Variants in RABGAP1L observed in about 807,000 individuals in gnomAD.
RABGAP1L encodes the protein rab GTPase-activating protein 1-like.
In RABGAP1L, 63 loss-of-function variants were observed where a neutral mutation model predicts 137.7. The observed-to-expected ratio is 0.46, with a 90% confidence interval of 0.37 to 0.56. RABGAP1L has a LOEUF of 0.56. Among genes scored for constraint, RABGAP1L ranks in the 20% least tolerant of loss-of-function variants. The pLI is 0.00. For synonymous variants in RABGAP1L, 431 were observed against 433.7 expected (o/e 0.99, Z 0.08); for missense variants, 1,095 against 1,244.0 (o/e 0.88, Z 1.80).
intron 13 of RABGAP1L, among the ~76,000 whole-genome samples, chr1:174,619,415 A>T (rs1672230130): frequency 6.6e-6 from 1 of 152,252 alleles, no homozygotes; most frequent in Non-Finnish European, 1.5e-5. Flanking sequence ...CACAAAGGGA[A>T]GCCCATCAGA....
At chr1:174,634,755 C>T (rs994246134) in intron 13 of RABGAP1L, among the ~76,000 whole-genome samples, 5 of 142,516 alleles carry the variant, frequency 3.5e-5, no homozygotes, top group Admixed American at 6.8e-5. Context: ...AAATTGGAAA[C>T]CATCATTCTC....
At chr1:174,585,717 C>T (rs1325274488) in intron 13 of RABGAP1L, among the ~76,000 whole-genome samples, 2 of 152,106 alleles carry the variant, frequency 1.3e-5, no homozygotes, top group East Asian at 3.9e-4. Flanking sequence ...AAGACCAAGC[C>T]CTTGATAAGT....
At position 174,384,131 on chromosome 1, in the gene RABGAP1L, G is replaced by A. The variant is rs1039205841; in HGVS notation, c.1560-9864G>A. 3.3e-5 allele frequency among the ~76,000 whole-genome samples: 5 copies of A among 152,116 alleles called. No homozygotes were observed. In the South Asian group the frequency reaches 6.2e-4, roughly 19 times the overall value. Reference sequence around the variant, plus strand: ...TGAACTGATATACATTACAACTGATGGATCTCAAGTGCATCATGTTAAGTG... The same window carrying A: ...TGAACTGATATACATTACAACTGATAGATCTCAAGTGCATCATGTTAAGTG... On this transcript the variant is annotated intron_variant, in intron 12 of 25. Coordinates refer to ENST00000681986, the MANE Select transcript of RABGAP1L (RefSeq NM_001366446.1).
At chr1:174,474,642 C>T (rs1367252627) in intron 13 of RABGAP1L, among the ~76,000 whole-genome samples, 7 of 152,102 alleles carry the variant, frequency 4.6e-5, no homozygotes, top group East Asian at 3.9e-4. Context: ...CTTGCTCTGT[C>T]GCCAGGCTGG....
intron 13 of RABGAP1L, among the ~76,000 whole-genome samples, chr1:174,604,292 T>G (rs1039269479): frequency 1.3e-5 from 2 of 152,188 alleles, no homozygotes; most frequent in African/African-American, 4.8e-5. Flanking sequence ...CTGGCTGAAT[T>G]CTGCCATGTG....
chr1:174,383,638 C>T (rs546447298), intron 12 of RABGAP1L, among the ~76,000 whole-genome samples: 49 of 152,324 alleles, frequency 3.2e-4, no homozygotes, highest in African/African-American at 1.1e-3. Flanking sequence ...ATGCCTCGCC[C>T]TGCTTCGGCT....
chr1:174,612,580 T>G (rs1348101391), intron 13 of RABGAP1L, among the ~76,000 whole-genome samples: 1 of 152,146 alleles, frequency 6.6e-6, no homozygotes, highest in African/African-American at 2.4e-5. Context: ...TAAAATGAGT[T>G]AGGGAGGATT....
intron 13 of RABGAP1L, among the ~76,000 whole-genome samples, chr1:174,416,342 C>A (rs771772373): frequency 2.0e-4 from 30 of 151,992 alleles, no homozygotes; most frequent in Non-Finnish European, 3.5e-4. Flanking sequence ...AACTGTAGAC[C>A]TGGCTACTTG....
intron 13 of RABGAP1L, among the ~76,000 whole-genome samples, chr1:174,489,721 C>T (rs929622953): frequency 7.9e-5 from 12 of 152,158 alleles, no homozygotes; most frequent in African/African-American, 2.2e-4. Context: ...TATCAAGACA[C>T]GTGCACACGT....
chr1:174,980,129 T>C (rs1229588542), intron 23 of RABGAP1L, among the ~76,000 whole-genome samples: 1 of 152,190 alleles, frequency 6.6e-6, no homozygotes, highest in East Asian at 1.9e-4. Flanking sequence ...ACAAATGCTT[T>C]ATAAATAAAT....
intron 18 of RABGAP1L, chr1:174,800,362 A>T (rs1281602681): frequency 6.4e-7 from 1 of 1,550,564 alleles, no homozygotes; most frequent in Admixed American, 2.0e-5. Context: ...GCCCAGCCCC[A>T]GCTGCTAAGC....
chr1:174,807,948 A>AAGC (rs1553255684), intron 18 of RABGAP1L, among the ~76,000 whole-genome samples: 2 of 141,060 alleles, frequency 1.4e-5, no homozygotes, highest in Admixed American at 7.3e-5. Flanking sequence ...AAACAAAACA[A>AAGC]AACAACAACA....
At chr1:174,496,848 C>G (rs1163291680) in intron 13 of RABGAP1L, among the ~76,000 whole-genome samples, 2 of 152,116 alleles carry the variant, frequency 1.3e-5, no homozygotes, top group Non-Finnish European at 2.9e-5. Context: ...AACTAGGAGA[C>G]CAAGTTATGT....
At chr1:174,749,921 A>G (rs1020497039) in intron 17 of RABGAP1L, among the ~76,000 whole-genome samples, 2 of 152,130 alleles carry the variant, frequency 1.3e-5, no homozygotes, top group Non-Finnish European at 2.9e-5. Flanking sequence ...TCTGTCACCC[A>G]GGCTGGAGTG....
Position 174,299,347 on chromosome 1 carries a change from AG to A in RABGAP1L, c.1324-5637del, listed in dbSNP as rs200171753. ...GCAAGTGACATTCTTTACTGACCACAGGTCAGGAACTCTGTACAGGGACTGT... is the reference window on the plus strand; with the variant it reads ...GCAAGTGACATTCTTTACTGACCACAGTCAGGAACTCTGTACAGGGACTGT... On this transcript the variant is annotated intron_variant, in intron 10 of 25. Transcript: ENST00000681986. 1.1e-3 allele frequency among the ~76,000 whole-genome samples: 175 copies of A among 152,320 alleles called. 1 individual carries two copies. The highest frequency in any genetic ancestry group is 3.9e-3 in the African/African-American group (163 of 41,574).
At chr1:174,802,200 T>C (rs2148826105) in intron 18 of RABGAP1L, among the ~76,000 whole-genome samples, 1 of 152,308 alleles carries the variant, frequency 6.6e-6, no homozygotes, top group South Asian at 2.1e-4. Flanking sequence ...CCAACTCTGG[T>C]TGGTTGCCAA....
intron 3 of RABGAP1L, among the ~76,000 whole-genome samples, chr1:174,222,484 G>A (rs1049470079): frequency 6.6e-5 from 10 of 152,196 alleles, no homozygotes; most frequent in African/African-American, 2.4e-4. Context: ...ACCACATAAA[G>A]TGGTGAAGAG....
chr1:174,231,057 A>T lies in RABGAP1L; in HGVS notation c.332-88A>T, dbSNP rs537919995. The T allele has an allele frequency of 3.3e-5, 31 of 936,262 alleles. No homozygotes were observed. In the Admixed American group the frequency reaches 3.4e-4, roughly 10 times the overall value. The allele number at this position is 936,262 out of a possible 1,614,324, so 58.0% of individuals were successfully genotyped here. Reference sequence around the variant, plus strand: ...GAGAGACCTAGATTTTGTTTGAAATATTTCATTTCTTTTTGGGCATTGGCA... The same window carrying T: ...GAGAGACCTAGATTTTGTTTGAAATTTTTCATTTCTTTTTGGGCATTGGCA... On this transcript the variant is annotated intron_variant, in intron 3 of 25. Transcript: ENST00000681986.
chr1:174,581,736 ATTAT>A lies in RABGAP1L; in HGVS notation c.1711-55634_1711-55631del, dbSNP rs1668765221. Among the ~76,000 whole-genome samples the A allele has an allele frequency of 5.9e-5, 9 of 152,336 alleles. 1 individual carries two copies. In the South Asian group the frequency reaches 1.9e-3, roughly 32 times the overall value. On this transcript the variant is annotated intron_variant, in intron 13 of 25. Transcript: ENST00000681986. ...ATAAATTTATTTTTTAAACAAAAAG[ATTAT>A]TTATAATATTTCTGGGAGACAAAGC...
Sources: allele counts gnomAD v4.1 joint callset (sites outside exome capture counted in the v4.1 genomes callset), GRCh38; gene constraint gnomAD v4.1.1; transcripts MANE v1.5; gene names NCBI Gene and HGNC (gene_info 2026-07-23, HGNC 2026-07-21).